Variants in PBX1 observed in about 807,000 individuals in gnomAD.
The protein encoded by PBX1 is PBX homeobox 1, also known as pre-B-cell leukemia transcription factor 1.
A neutral mutation model predicts 53.4 loss-of-function variants in PBX1; 6 were observed. The observed-to-expected ratio is 0.11, with a 90% CI of 0.06 to 0.22. The LOEUF is 0.22. Ranked by LOEUF, PBX1 falls within the 10% of genes least tolerant of loss-of-function variation. The pLI, the probability that PBX1 is intolerant of heterozygous loss-of-function variation, is 1.00. For missense variants in PBX1, 251 were observed against 551.4 expected (o/e 0.46, Z 5.46); for synonymous variants, 204 against 212.3 (o/e 0.96, Z 0.34).
chr1:164,832,006 A>G (rs1347457877), intron 8 of PBX1, among the ~76,000 whole-genome samples: 2 of 152,236 alleles, frequency 1.3e-5, no homozygotes, highest in African/African-American at 2.4e-5. Flanking sequence ...CATTTCAATG[A>G]GAAAAGTTTT....
intron 8 of PBX1, chr1:164,828,574 C>G (rs1288603770): frequency 6.6e-6 from 1 of 152,150 alleles, no homozygotes; most frequent in Non-Finnish European, 1.5e-5. Flanking sequence ...CATTTGGCCC[C>G]GTAGCCATGC....
chr1:164,867,162 G>T (rs890288035), intron 2 of PBX1, among the ~76,000 whole-genome samples: 5 of 152,108 alleles, frequency 3.3e-5, no homozygotes, highest in Non-Finnish European at 7.4e-5. Context: ...GAACTGGGAG[G>T]TCTTGAGCAA....
At chr1:164,865,014 G>T (rs954156206) in intron 2 of PBX1, among the ~76,000 whole-genome samples, 4 of 152,224 alleles carry the variant, frequency 2.6e-5, no homozygotes, top group Admixed American at 2.6e-4. Flanking sequence ...TGATGGCAGG[G>T]TCACGACCCC....
At chr1:164,567,089 A>G (rs1414719818) in intron 2 of PBX1, among the ~76,000 whole-genome samples, 2 of 151,778 alleles carry the variant, frequency 1.3e-5, no homozygotes, top group East Asian at 3.9e-4. Context: ...CTCGCCTGCC[A>G]CTTCTTTTTA....
chr1:164,628,942 C>T (rs1454969158), intron 2 of PBX1, among the ~76,000 whole-genome samples: 5 of 152,166 alleles, frequency 3.3e-5, no homozygotes, highest in Non-Finnish European at 7.3e-5. Flanking sequence ...TCATGTCCCT[C>T]TCAAGTACCT....
chr1:164,600,246 CTTTTT>C (rs71097539), intron 2 of PBX1, among the ~76,000 whole-genome samples: 1 of 121,818 alleles, frequency 8.2e-6, no homozygotes, highest in Non-Finnish European at 1.7e-5. Context: ...TATGCTGCTG[CTTTTT>C]TTTTTTTTTT....
At chr1:164,566,689 T>C (rs1370248063) in intron 2 of PBX1, among the ~76,000 whole-genome samples, 3 of 152,208 alleles carry the variant, frequency 2.0e-5, no homozygotes. Flanking sequence ...AAACATTTCC[T>C]GATGTTTTTT....
chr1:164,873,045 C>T (rs1054236157), intron 2 of PBX1, among the ~76,000 whole-genome samples: 2 of 152,164 alleles, frequency 1.3e-5, no homozygotes, highest in East Asian at 3.9e-4. Context: ...GTGTTATAAT[C>T]CTCATTTTAT....
intron 2 of PBX1, among the ~76,000 whole-genome samples, chr1:164,615,482 A>G (rs2101836947): frequency 1.3e-5 from 2 of 151,936 alleles, no homozygotes; most frequent in Non-Finnish European, 2.9e-5. Context: ...CAGGTGTAAT[A>G]TTCCTGATTT....
At chr1:164,828,641 G>A (rs1670592292) in intron 8 of PBX1, 1 of 151,870 alleles carries the variant, frequency 6.6e-6, no homozygotes, top group South Asian at 2.1e-4. Context: ...CCCTCCTTCT[G>A]CTCTGTGGAG....
chr1:164,770,769 T>C (rs1376856324), intron 2 of PBX1: 4 of 152,078 alleles, frequency 2.6e-5, no homozygotes, highest in Admixed American at 1.3e-4. Flanking sequence ...TGAGTAAAAA[T>C]ATTGGTGTTA....
Position 164,757,222 on chromosome 1 carries a change from C to T in PBX1, c.266-35272C>T, listed in dbSNP as rs143158107. ...AATATTTTGGGGTTCAAGGATGTAA[C>T]CTGATGGGGAATAGTGATATTTTTG... On this transcript the variant is annotated intron_variant, in intron 2 of 8. Coordinates refer to ENST00000420696, the MANE Select transcript of PBX1 (RefSeq NM_002585.4). 1.4e-4 allele frequency among the ~76,000 whole-genome samples: 21 copies of T among 152,110 alleles called. 1 individual carries two copies. In the East Asian group the frequency reaches 4.1e-3, roughly 29 times the overall value.
chr1:164,625,760 T>G (rs1657992272), intron 2 of PBX1, among the ~76,000 whole-genome samples: 1 of 151,834 alleles, frequency 6.6e-6, no homozygotes, highest in Non-Finnish European at 1.5e-5. Context: ...TGCCACTTAT[T>G]TGGTTTTTCT....
intron 2 of PBX1, among the ~76,000 whole-genome samples, chr1:164,656,139 A>T (rs1423208273): frequency 2.0e-5 from 3 of 152,218 alleles, no homozygotes; most frequent in Non-Finnish European, 4.4e-5. Flanking sequence ...GCTGCTTAAT[A>T]TAATGAATAA....
chr1:164,636,241 AAC>A (rs1368875251), intron 2 of PBX1, among the ~76,000 whole-genome samples: 1 of 151,766 alleles, frequency 6.6e-6, no homozygotes, highest in Non-Finnish European at 1.5e-5. Context: ...AGGGGGGAGG[AAC>A]ACAGTTTCTT....
intron 2 of PBX1, among the ~76,000 whole-genome samples, chr1:164,609,487 C>G (rs1237618914): frequency 6.6e-6 from 1 of 152,236 alleles, no homozygotes; most frequent in Middle Eastern, 3.4e-3. Context: ...ATTTTCCTGT[C>G]GCCACACCCT....
At chr1:164,637,102 G>A (rs1432104744) in intron 2 of PBX1, among the ~76,000 whole-genome samples, 1 of 152,050 alleles carries the variant, frequency 6.6e-6, no homozygotes, top group Admixed American at 6.6e-5. Flanking sequence ...TCTCCAGCTG[G>A]GGCTGAGAAG....
rs1553217580 is a variant in PBX1, at chr1:164,618,304, G to GA, written c.265+54993_265+54994insA. Among the ~76,000 whole-genome samples the GA allele has an allele frequency of 9.9e-5, 15 of 150,838 alleles. 1 individual carries two copies. Among genetic ancestry groups the GA allele is most frequent in the Non-Finnish European group, 2.2e-4 (15 of 67,672 alleles). On this transcript the variant is annotated intron_variant, in intron 2 of 8. Coordinates refer to ENST00000420696, the MANE Select transcript of PBX1 (RefSeq NM_002585.4). ...CAGGGAGAATAATCACGGCGGGGGGGGGGGGGCACTCAAGATGATCAGCAC... is the reference window on the plus strand; with the variant it reads ...CAGGGAGAATAATCACGGCGGGGGGGAGGGGGGCACTCAAGATGATCAGCAC...
intron 6 of PBX1, chr1:164,813,340 A>G (rs1669713543): frequency 1.3e-5 from 2 of 152,278 alleles, no homozygotes; most frequent in South Asian, 4.1e-4. Context: ...TGGATATAAT[A>G]AAACAATGTA....
Sources: gnomAD v4.1 joint callset for allele counts (sites outside exome capture counted in the v4.1 genomes callset) on GRCh38, gnomAD v4.1.1 for gene constraint, MANE v1.5 for transcripts, NCBI Gene and HGNC (gene_info 2026-07-23, HGNC 2026-07-21) for gene names.